The following LINGO2 variants were observed in gnomAD, a reference collection of about 807,000 sequenced individuals.
LINGO2 encodes the protein leucine-rich repeat and immunoglobulin-like domain-containing nogo receptor-interacting protein 2.
A neutral mutation model predicts 30.6 loss-of-function variants in LINGO2; 14 were observed. The ratio of observed to expected loss-of-function variants is 0.46; its 90% confidence interval spans 0.30 to 0.72. The LOEUF (loss-of-function observed/expected upper bound fraction) is 0.72, where lower values mean the gene tolerates loss of function less well. Ranked by LOEUF, LINGO2 falls within the 30% of genes least tolerant of loss-of-function variation. LINGO2 has a pLI of 0.07. For synonymous variants in LINGO2, 317 were observed against 288.5 expected (o/e 1.10, Z -1.00); for missense variants, 729 against 751.7 (o/e 0.97, Z 0.35).
intron 1 of LINGO2, among the ~76,000 whole-genome samples, chr9:28,503,539 G>A (rs1214149983): frequency 6.6e-6 from 1 of 151,816 alleles, no homozygotes; most frequent in South Asian, 2.1e-4. Context: ...CATATTTATG[G>A]GAACAGAGCT....
At chr9:28,786,579 A>T in the LINGO2 span, among the ~76,000 whole-genome samples, 3 of 152,132 alleles carry the variant, frequency 2.0e-5, no homozygotes, top group Non-Finnish European at 2.9e-5. Context: ...CACTATACCA[A>T]TAAGAGAGCC....
the LINGO2 span, among the ~76,000 whole-genome samples, chr9:28,902,242 C>T: frequency 1.3e-5 from 2 of 151,698 alleles, no homozygotes; most frequent in African/African-American, 2.4e-5. Context: ...ATGAATAAAA[C>T]CTAAAGAGAG....
chr9:28,853,899 T>C, the LINGO2 span, among the ~76,000 whole-genome samples: 29 of 152,004 alleles, frequency 1.9e-4, no homozygotes, highest in South Asian at 5.8e-3. Context: ...CTGTATCACC[T>C]ACCTATATGA....
At chr9:28,700,760 G>A in the LINGO2 span, among the ~76,000 whole-genome samples, 1 of 151,946 alleles carries the variant, frequency 6.6e-6, no homozygotes, top group African/African-American at 2.4e-5. Context: ...CACTTTTCAT[G>A]TCCACCAGCA....
chr9:29,164,059 C>A, the LINGO2 span, among the ~76,000 whole-genome samples: 3 of 151,596 alleles, frequency 2.0e-5, no homozygotes, highest in African/African-American at 7.3e-5. Flanking sequence ...AAGGAAACCA[C>A]CATGCTGTGA....
the LINGO2 span, among the ~76,000 whole-genome samples, chr9:29,196,125 G>T: frequency 1.3e-5 from 2 of 152,048 alleles, no homozygotes; most frequent in African/African-American, 2.4e-5. Context: ...ACAAAGAAAT[G>T]ACATTAAGTT....
the LINGO2 span, among the ~76,000 whole-genome samples, chr9:28,885,220 G>A: frequency 2.0e-5 from 3 of 147,298 alleles, no homozygotes; most frequent in Non-Finnish European, 3.0e-5. Flanking sequence ...TTGCAACGGT[G>A]CCCCTTGTGC....
At chr9:28,844,521 TTAAAA>T in the LINGO2 span, among the ~76,000 whole-genome samples, 1 of 151,904 alleles carries the variant, frequency 6.6e-6, no homozygotes, top group South Asian at 2.1e-4. Flanking sequence ...CATGCAGTCT[TTAAAA>T]TACTAACTTT....
intron 4 of LINGO2, among the ~76,000 whole-genome samples, chr9:28,194,950 G>A (rs193127162): frequency 3.3e-5 from 5 of 152,044 alleles, no homozygotes; most frequent in African/African-American, 9.6e-5. Flanking sequence ...AGTAATTACT[G>A]AAACATATTA....
chr9:28,502,746 T>C (rs1225568995), intron 1 of LINGO2, among the ~76,000 whole-genome samples: 1 of 152,128 alleles, frequency 6.6e-6, no homozygotes, highest in African/African-American at 2.4e-5. Flanking sequence ...ATTTCTTCAT[T>C]TTATACAGTG....
chr9:29,127,596 G>C, the LINGO2 span, among the ~76,000 whole-genome samples: 1 of 151,984 alleles, frequency 6.6e-6, no homozygotes, highest in African/African-American at 2.4e-5. Flanking sequence ...CATCAGGTTC[G>C]GGTGAGGGAC....
chr9:28,352,334 A>G (rs1206294428), intron 3 of LINGO2, among the ~76,000 whole-genome samples: 71 of 123,300 alleles, frequency 5.8e-4, no homozygotes, highest in African/African-American at 2.0e-3. Flanking sequence ...TACAAAAATC[A>G]CAAGCATTCT....
chr9:28,086,392 C>A (rs1035680838), intron 4 of LINGO2, among the ~76,000 whole-genome samples: 1 of 152,068 alleles, frequency 6.6e-6, no homozygotes, highest in Non-Finnish European at 1.5e-5. Flanking sequence ...GAGATATAAT[C>A]TTTACAAGAT....
At chr9:28,712,955 T>A in the LINGO2 span, among the ~76,000 whole-genome samples, 1 of 152,098 alleles carries the variant, frequency 6.6e-6, no homozygotes, top group African/African-American at 2.4e-5. Flanking sequence ...AAACTCCGCC[T>A]CCCAGATTCA....
chr9:28,425,327 G>A (rs1030419069), intron 2 of LINGO2, among the ~76,000 whole-genome samples: 1 of 124,550 alleles, frequency 8.0e-6, no homozygotes, highest in Admixed American at 8.0e-5. Flanking sequence ...ATATGTGTGT[G>A]TGTATATATA....
intron 4 of LINGO2, among the ~76,000 whole-genome samples, chr9:28,272,782 A>G (rs1440185011): frequency 2.6e-5 from 4 of 152,084 alleles, no homozygotes; most frequent in Non-Finnish European, 4.4e-5. Flanking sequence ...TGAGCAGAGG[A>G]CTAACAACAA....
At chr9:28,025,257 A>G (rs1011215048) in intron 4 of LINGO2, among the ~76,000 whole-genome samples, 4 of 152,108 alleles carry the variant, frequency 2.6e-5, no homozygotes, top group Non-Finnish European at 4.4e-5. Flanking sequence ...CCAAGACAAA[A>G]TATTTCTTAC....
At chr9:28,672,534 T>C (rs149324419), upstream of LINGO2, among the ~76,000 whole-genome samples, 1 of 152,336 alleles carries the variant, frequency 6.6e-6, no homozygotes, top group East Asian at 1.9e-4. Context: ...TATCTCAGCA[T>C]ACAAATCTTA....
In LINGO2 at chr9:28,130,649, AAT is replaced by A. The variant is rs1827355295; in HGVS notation, c.-86-118246_-86-118245del. Reference sequence around the variant, plus strand: ...CATAAAAGTCATTAATAAATATAATAATAGTGTCATGGTATGGAAGCCAGAGG... The same window carrying A: ...CATAAAAGTCATTAATAAATATAATAAGTGTCATGGTATGGAAGCCAGAGG... On this transcript the variant is annotated intron_variant, in intron 4 of 5. Transcript: ENST00000379992. This position sits in a 1 kb window ranked among gnomAD's most constrained non-coding sequence, Gnocchi z 5.2. 6.6e-6 allele frequency among the ~76,000 whole-genome samples: 1 copy of A among 152,146 alleles called. No individual in the cohort carries two copies. Among genetic ancestry groups the A allele is most frequent in the Non-Finnish European group, 1.5e-5 (1 of 68,010 alleles).
Sources: allele counts gnomAD v4.1 joint callset (sites outside exome capture counted in the v4.1 genomes callset), GRCh38; gene constraint gnomAD v4.1.1; non-coding constraint Gnocchi (gnomAD v3.1); transcripts MANE v1.5; gene names NCBI Gene and HGNC (gene_info 2026-07-23, HGNC 2026-07-21).